TMEFF1: variants seen among roughly 807,000 people sequenced by gnomAD.
TMEFF1 encodes tomoregulin-1.
A neutral mutation model predicts 47.5 loss-of-function variants in TMEFF1; 20 were observed. That is an observed-to-expected ratio of 0.42 (90% CI 0.30 to 0.61). TMEFF1 has a LOEUF of 0.61. Among genes scored for constraint, TMEFF1 ranks in the 20% least tolerant of loss-of-function variants. The pLI is 0.19. For synonymous variants in TMEFF1, 162 were observed against 166.3 expected (o/e 0.97, Z 0.20); for missense variants, 411 against 471.1 (o/e 0.87, Z 1.18).
At chr9:100,503,248 GTT>G in intron 2 of TMEFF1, among the ~76,000 whole-genome samples, 1 of 142,024 alleles carries the variant, frequency 7.0e-6, no homozygotes, top group African/African-American at 2.6e-5. Context: ...AATTCAAATT[GTT>G]TTTTTTTTTA....
intron 7 of TMEFF1, 104 bp downstream of exon 7, chr9:100,550,264 C>A (rs1202319498): frequency 5.4e-5 from 62 of 1,148,446 alleles, no homozygotes; most frequent in Non-Finnish European, 6.2e-5. Flanking sequence ...TAACTTTGCT[C>A]TCTATAGTAA....
intron 5 of TMEFF1, 35 bp from the exon 6 acceptor site, chr9:100,547,709 T>A: frequency 2.1e-6 from 3 of 1,448,912 alleles, no homozygotes; most frequent in Non-Finnish European, 2.7e-6. Flanking sequence ...ATATTTTTGT[T>A]GTAAAATATA....
chr9:100,573,652 G>T (rs1033248333), intron 9 of TMEFF1, among the ~76,000 whole-genome samples: 8 of 152,164 alleles, frequency 5.3e-5, no homozygotes, highest in Non-Finnish European at 8.8e-5. Flanking sequence ...ACAGATATTG[G>T]CAGGCCATAA....
chr9:100,492,120 A>G (rs1381255583), intron 1 of TMEFF1, among the ~76,000 whole-genome samples: 1 of 152,132 alleles, frequency 6.6e-6, no homozygotes. Flanking sequence ...TCTTGACCTC[A>G]TGATCTGCCC....
At position 100,474,571 on chromosome 9, in the gene TMEFF1, G is replaced by A. The variant is rs114750020; in HGVS notation, c.196+831G>A. Among the ~76,000 whole-genome samples, 806 of 152,054 alleles carry A rather than the reference G, an allele frequency of 5.3e-3. 4 individuals carry two copies. Among genetic ancestry groups the A allele is most frequent in the African/African-American group, 0.018 (759 of 41,470 alleles). On this transcript the variant is annotated intron_variant, in intron 1 of 9. Transcript: ENST00000374879. ...GTCTTTTCAAAGGGGAGGAGGCTTGGGAGTCATCATCCTGTGTAGGGTTTG... is the reference window on the plus strand; with the variant it reads ...GTCTTTTCAAAGGGGAGGAGGCTTGAGAGTCATCATCCTGTGTAGGGTTTG...
chr9:100,481,074 T>A (rs1837330589), intron 1 of TMEFF1, among the ~76,000 whole-genome samples: 1 of 152,218 alleles, frequency 6.6e-6, no homozygotes, highest in African/African-American at 2.4e-5. Context: ...CTTGTCCCAG[T>A]TCCTACAGTT....
intron 5 of TMEFF1, among the ~76,000 whole-genome samples, chr9:100,524,486 C>A (rs1204491296): frequency 6.6e-6 from 1 of 152,154 alleles, no homozygotes; most frequent in African/African-American, 2.4e-5. Context: ...TTGGGGAAGT[C>A]AGTGGACAAA....
intron 1 of TMEFF1, among the ~76,000 whole-genome samples, chr9:100,479,377 A>G (rs959208733): frequency 3.3e-5 from 5 of 152,220 alleles, no homozygotes; most frequent in African/African-American, 4.8e-5. Flanking sequence ...ATAAGCATTT[A>G]TTGAGCACGA....
Position 100,577,200 on chromosome 9 carries a change from A to G in TMEFF1, c.*600A>G, listed in dbSNP as rs1329904824. On this transcript the variant is annotated 3_prime_UTR_variant, in exon 10 of 10. Coordinates refer to ENST00000374879, the MANE Select transcript of TMEFF1 (RefSeq NM_003692.5). ...GAACAAATATGTTAGTAATGATGGA[A>G]CAGATCAATGAAAAGTAGATATAGA... is the stretch of plus-strand genomic sequence containing the variant. The G allele has an allele frequency of 6.6e-6, 1 of 152,660 alleles. No homozygotes were observed. Among genetic ancestry groups the G allele is most frequent in the Non-Finnish European group, 1.5e-5 (1 of 68,040 alleles). The allele number at this position is 152,660 out of a possible 1,614,324, so 9.5% of individuals were successfully genotyped here. A position where few individuals can be genotyped will look rare whatever the true frequency, so the allele number is the denominator to read the frequency against.
rs1411077254 is a variant in TMEFF1 at position 100,473,287 on chromosome 9, A to G, written c.-258A>G. ...CGCTCCCCTCGCCGCGGTGTCCCCCACGCCGGCTCGCACCCTCGCGCGCAC... is the reference window on the plus strand; with the variant it reads ...CGCTCCCCTCGCCGCGGTGTCCCCCGCGCCGGCTCGCACCCTCGCGCGCAC... On this transcript the variant is annotated 5_prime_UTR_variant, in exon 1 of 10. Transcript: ENST00000374879. This position sits in a 1 kb window ranked among gnomAD's most constrained non-coding sequence, Gnocchi z 5.4. 6.6e-6 allele frequency: 1 copy of G among 151,996 alleles called. No homozygotes were observed. The highest frequency in any genetic ancestry group is 1.4e-5 in the Non-Finnish European group (1 of 69,316). The allele number at this position is 151,996 out of a possible 1,614,324, so 9.4% of individuals were successfully genotyped here.
At chr9:100,504,934 A>G (rs1277379838) in intron 2 of TMEFF1, among the ~76,000 whole-genome samples, 2 of 152,244 alleles carry the variant, frequency 1.3e-5, no homozygotes, top group African/African-American at 4.8e-5. Flanking sequence ...TCACGGATAA[A>G]TTAACCTACA....
intron 5 of TMEFF1, among the ~76,000 whole-genome samples, chr9:100,527,149 A>T (rs1355754785): frequency 1.3e-5 from 2 of 151,990 alleles, no homozygotes; most frequent in African/African-American, 4.8e-5. Context: ...TCTTAAAAAA[A>T]AAAAACAAAA....
At chr9:100,539,736 G>T (rs1270531917) in intron 5 of TMEFF1, among the ~76,000 whole-genome samples, 1 of 152,160 alleles carries the variant, frequency 6.6e-6, no homozygotes, top group Non-Finnish European at 1.5e-5. Flanking sequence ...TACCTGAGCG[G>T]GTTGCCACTG....
At chr9:100,484,733 A>G (rs1247397604) in intron 1 of TMEFF1, among the ~76,000 whole-genome samples, 1 of 146,042 alleles carries the variant, frequency 6.8e-6, no homozygotes, top group African/African-American at 2.6e-5. Context: ...TCTATCCTCC[A>G]GGCTAGAGGA....
At chr9:100,531,546 C>T (rs1838377891) in intron 5 of TMEFF1, among the ~76,000 whole-genome samples, 1 of 152,198 alleles carries the variant, frequency 6.6e-6, no homozygotes, top group East Asian at 1.9e-4. Flanking sequence ...TGAAGGACCT[C>T]TTCAAGGAGA....
intron 4 of TMEFF1, among the ~76,000 whole-genome samples, chr9:100,515,987 G>T (rs1483853908): frequency 6.6e-6 from 1 of 152,060 alleles, no homozygotes; most frequent in African/African-American, 2.4e-5. Flanking sequence ...CCCTTTCAGT[G>T]TGGAATGTGA....
chr9:100,538,947 C>T (rs1245837228), intron 5 of TMEFF1, among the ~76,000 whole-genome samples: 2 of 152,056 alleles, frequency 1.3e-5, no homozygotes, highest in Non-Finnish European at 2.9e-5. Context: ...CTCTGTCGCC[C>T]AGGCTGGAGT....
At position 100,473,872 on chromosome 9, in the gene TMEFF1, G is replaced by A. The variant is rs1435600603; in HGVS notation, c.196+132G>A. 53 of 1,138,796 alleles carry A rather than the reference G, an allele frequency of 4.7e-5. 3 individuals carry two copies. In the East Asian group the frequency reaches 9.8e-4, roughly 21 times the overall value. The allele number at this position is 1,138,796 out of a possible 1,614,324, so 70.5% of individuals were successfully genotyped here. A position where few individuals can be genotyped will look rare whatever the true frequency, so the allele number is the denominator to read the frequency against. On this transcript the variant is annotated intron_variant, in intron 1 of 9. Coordinates refer to ENST00000374879, the MANE Select transcript of TMEFF1 (RefSeq NM_003692.5). The surrounding 1 kb of genome is among the most constrained non-coding windows in gnomAD (Gnocchi z 5.4). ...CAGGGGTGGGCCCGAGGGTGAGCGA[G>A]GGCGGAGGGCAGGGCGCGAGCGTGC... is the stretch of plus-strand genomic sequence containing the variant.
intron 5 of TMEFF1, among the ~76,000 whole-genome samples, chr9:100,544,382 G>A (rs1239426220): frequency 1.3e-5 from 2 of 152,212 alleles, no homozygotes; most frequent in Non-Finnish European, 2.9e-5. Context: ...ATGGATGGCG[G>A]CAGGCAAAGA....
Sources: allele counts gnomAD v4.1 joint callset (sites outside exome capture counted in the v4.1 genomes callset), GRCh38; gene constraint gnomAD v4.1.1; non-coding constraint Gnocchi (gnomAD v3.1); transcripts MANE v1.5; gene names NCBI Gene and HGNC (gene_info 2026-07-23, HGNC 2026-07-21).